Variants in CTNND2 observed in about 807,000 individuals in gnomAD.
CTNND2 encodes catenin delta-2.
In CTNND2, 22 loss-of-function variants were observed where a neutral mutation model predicts 144.4. That is an observed-to-expected ratio of 0.15 (90% CI 0.11 to 0.22). CTNND2 has a LOEUF of 0.22. CTNND2 is among the 10% of genes least tolerant of loss of function. The pLI is 1.00. For synonymous variants in CTNND2, 751 were observed against 695.6 expected, an observed-to-expected ratio of 1.08 and a Z score of -1.25; for missense variants, 1,353 against 1,618.8, an observed-to-expected ratio of 0.84 and a Z score of 2.82.
At chr5:11,250,481 C>A (rs1481893816) in intron 9 of CTNND2, among the ~76,000 whole-genome samples, 60 of 64,158 alleles carry the variant, frequency 9.4e-4, no homozygotes, top group African/African-American at 2.6e-3. Flanking sequence ...CTCTCTCTCT[C>A]TCTCTCTCTC....
At chr5:11,771,191 G>GTTTTTTT in intron 1 of CTNND2, among the ~76,000 whole-genome samples, 1 of 18,004 alleles carries the variant, frequency 5.6e-5, no homozygotes. Flanking sequence ...CACATTGTTA[G>GTTTTTTT]CTTTTTTTTT....
At chr5:11,283,667 C>T (rs887690650) in intron 9 of CTNND2, among the ~76,000 whole-genome samples, 14 of 57,238 alleles carry the variant, frequency 2.4e-4, no homozygotes, top group African/African-American at 8.4e-4. Flanking sequence ...GAGTGAGACT[C>T]CGTCTCAAAA....
intron 3 of CTNND2, among the ~76,000 whole-genome samples, chr5:11,480,578 T>C (rs1447272412): frequency 6.6e-6 from 1 of 152,134 alleles, no homozygotes; most frequent in East Asian, 1.9e-4. Context: ...ATGAAATTAC[T>C]TTGACATGTT....
intron 1 of CTNND2, among the ~76,000 whole-genome samples, chr5:11,832,604 A>AGAATGAAAT (rs1793966252): frequency 6.6e-6 from 1 of 152,202 alleles, no homozygotes; most frequent in Admixed American, 6.5e-5. Context: ...AAGCAAAACC[A>AGAATGAAAT]GAATGAAATG....
chr5:11,697,750 A>G (rs1034684398), intron 2 of CTNND2, among the ~76,000 whole-genome samples: 1 of 152,172 alleles, frequency 6.6e-6, no homozygotes, highest in Non-Finnish European at 1.5e-5. Flanking sequence ...TCTGTTCTTC[A>G]AAGTTTGGTG....
chr5:11,375,333 T>A (rs1205890772), intron 7 of CTNND2, among the ~76,000 whole-genome samples: 1 of 152,234 alleles, frequency 6.6e-6, no homozygotes, highest in Non-Finnish European at 1.5e-5. Flanking sequence ...GTAAACAGCT[T>A]CACAGATTAG....
intron 3 of CTNND2, among the ~76,000 whole-genome samples, chr5:11,498,371 G>A (rs61757509): frequency 2.4e-3 from 365 of 152,196 alleles, no homozygotes; most frequent in African/African-American, 7.6e-3. Flanking sequence ...TGGGAACCTT[G>A]ATCATGAACT....
intron 11 of CTNND2, among the ~76,000 whole-genome samples, chr5:11,171,131 A>T (rs1759863363): frequency 6.6e-6 from 1 of 152,154 alleles, no homozygotes; most frequent in Non-Finnish European, 1.5e-5. Flanking sequence ...CTATCATAAT[A>T]ATGTCACTGA....
chr5:11,416,186 G>T (rs11955682), intron 3 of CTNND2, among the ~76,000 whole-genome samples: 3,978 of 152,178 alleles, frequency 0.026, 78 homozygotes, highest in South Asian at 0.059. Flanking sequence ...TGCAGGTGTT[G>T]ATTTTATGTT....
intron 2 of CTNND2, among the ~76,000 whole-genome samples, chr5:11,677,137 A>C (rs1178463042): frequency 2.6e-5 from 4 of 152,212 alleles, no homozygotes; most frequent in African/African-American, 9.6e-5. Context: ...GTCAACCAAG[A>C]GCAAACCAAC....
At chr5:11,824,833 T>C (rs1793515549) in intron 1 of CTNND2, among the ~76,000 whole-genome samples, 2 of 152,202 alleles carry the variant, frequency 1.3e-5, no homozygotes, top group South Asian at 2.1e-4. Context: ...TCAAGTACTG[T>C]GTAAGAGAAT....
rs2149798650 is a variant in CTNND2, at chr5:11,384,520, A to G, written c.1177+145T>C. The stretch of plus-strand genomic sequence containing the variant: ...AGGGAAGATACTGACTTGTTCCAGG[A>G]AAGCCCTGGCGTTCTCTGTCTCCTG... On this transcript the variant is annotated intron_variant, in intron 7 of 21. Coordinates refer to ENST00000304623, the MANE Select transcript of CTNND2 (RefSeq NM_001332.4). The surrounding 1 kb of genome is among the most constrained non-coding windows in gnomAD (Gnocchi z 5.2). 1 of 684,376 alleles carries G rather than the reference A, an allele frequency of 1.5e-6. No homozygotes were observed. Among genetic ancestry groups the G allele is most frequent in the South Asian group, 1.9e-5 (1 of 51,484 alleles). The allele number at this position is 684,376 out of a possible 1,614,324, so 42.4% of individuals were successfully genotyped here.
intron 16 of CTNND2, among the ~76,000 whole-genome samples, chr5:11,078,463 T>G (rs1749182563): frequency 6.6e-6 from 1 of 152,204 alleles, no homozygotes; most frequent in South Asian, 2.1e-4. Flanking sequence ...CTGGTGACAT[T>G]TGATAGTAAA....
chr5:11,420,420 T>A (rs1306587293), intron 3 of CTNND2, among the ~76,000 whole-genome samples: 1 of 152,202 alleles, frequency 6.6e-6, no homozygotes, highest in Non-Finnish European at 1.5e-5. Flanking sequence ...TGACCTTGTA[T>A]TTGGACAGCA....
At chr5:11,358,960 T>A (rs1376917251) in intron 8 of CTNND2, among the ~76,000 whole-genome samples, 3 of 152,202 alleles carry the variant, frequency 2.0e-5, no homozygotes, top group Non-Finnish European at 2.9e-5. Flanking sequence ...AGAAAATCCA[T>A]CTGACTATCA....
intron 20 of CTNND2, among the ~76,000 whole-genome samples, chr5:10,982,305 ACAGACC>A (rs1737385557): frequency 1.3e-5 from 2 of 152,246 alleles, no homozygotes; most frequent in South Asian, 4.1e-4. Context: ...TTCATTTCTT[ACAGACC>A]CAAAGGACGG....
At chr5:11,333,910 G>A (rs908740490) in intron 9 of CTNND2, among the ~76,000 whole-genome samples, 9 of 152,234 alleles carry the variant, frequency 5.9e-5, no homozygotes, top group East Asian at 5.8e-4. Flanking sequence ...GCTTCATTTC[G>A]GGCGGGAAGA....
At chr5:11,623,802 GTGTATGTATATATATA>G (rs1482318267) in intron 2 of CTNND2, among the ~76,000 whole-genome samples, 5 of 38,548 alleles carry the variant, frequency 1.3e-4, no homozygotes, top group South Asian at 1.7e-3. Flanking sequence ...ATATATATGT[GTGTATGTATATATATA>G]TATATATATA....
chr5:11,754,834 G>A (rs1788838844), intron 1 of CTNND2, among the ~76,000 whole-genome samples: 1 of 151,622 alleles, frequency 6.6e-6, no homozygotes, highest in Non-Finnish European at 1.5e-5. Context: ...GTGAGCCTGT[G>A]GGTTTCATTC....
Sources: gnomAD v4.1 joint callset for allele counts (sites outside exome capture counted in the v4.1 genomes callset) on GRCh38, gnomAD v4.1.1 for gene constraint, Gnocchi (gnomAD v3.1) non-coding constraint, MANE v1.5 for transcripts, NCBI Gene and HGNC (gene_info 2026-07-23, HGNC 2026-07-21) for gene names.